The following RSL1D1 variants were observed in gnomAD, a reference collection of about 807,000 sequenced individuals.
The protein encoded by RSL1D1 is ribosomal L1 domain containing 1, also known as ribosomal L1 domain-containing protein 1.
Under a neutral mutation model 44.6 loss-of-function variants are expected in RSL1D1, and 34 were observed. That is an observed-to-expected ratio of 0.76 (90% CI 0.58 to 1.02). The LOEUF (loss-of-function observed/expected upper bound fraction) is 1.02, where lower values mean the gene tolerates loss of function less well. Ranked by LOEUF, RSL1D1 falls within the 50% of genes least tolerant of loss-of-function variation. The pLI is 0.00. For missense variants in RSL1D1, 767 were observed against 568.1 expected (o/e 1.35, Z -3.56); for synonymous variants, 271 against 207.4 (o/e 1.31, Z -2.63).
chr16:11,846,804 A>C lies in RSL1D1; in HGVS notation c.424T>G (p.Tyr142Asp), dbSNP rs755767319. ...CTCAGAAGGCGGAGCTTGGCTTCAT[A>C]GGATTTATATTCCTTCTTTAGAGTT... is the stretch of plus-strand genomic sequence containing the variant. Reference protein sequence around the residue: ...LQTLKKEYKSYEAKLRLLSSF... With the variant: ...LQTLKKEYKSDEAKLRLLSSF... Residue 142 changes from tyrosine to aspartate, a missense_variant, in exon 4 of 9, where the codon TAT (tyrosine) becomes GAT (aspartate). Coordinates refer to ENST00000571133, the MANE Select transcript of RSL1D1 (RefSeq NM_015659.3). The C allele has an allele frequency of 6.2e-7, 1 of 1,612,560 alleles. No homozygotes were observed. Among genetic ancestry groups the C allele is most frequent in the Non-Finnish European group, 8.5e-7 (1 of 1,178,696 alleles).
chr16:11,841,589 A>G, intron 7 of RSL1D1, 106 bp downstream of exon 7: 2 of 1,049,542 alleles, frequency 1.9e-6, no homozygotes, highest in Non-Finnish European at 2.8e-6. Flanking sequence ...CCACAAAACC[A>G]GAAGATAACT....
rs2053708756 is a variant in RSL1D1, at chr16:11,835,277, G to T, written c.*2510C>A. 6.6e-6 allele frequency: 1 copy of T among 152,166 alleles called. No individual in the cohort carries two copies. Among genetic ancestry groups the T allele is most frequent in the African/African-American group, 2.4e-5 (1 of 41,348 alleles). The allele number at this position is 152,166 out of a possible 1,614,324, so 9.4% of individuals were successfully genotyped here. ...GCTCACTGCAACCTCCACCTCCCGGGTTAAAGTGATTCTCCTGCTTCAGCC... is the reference window on the plus strand; with the variant it reads ...GCTCACTGCAACCTCCACCTCCCGGTTTAAAGTGATTCTCCTGCTTCAGCC... On this transcript the variant is annotated 3_prime_UTR_variant, in exon 9 of 9. Transcript: ENST00000571133.
chr16:11,838,856 CA>C (rs760015457), intron 8 of RSL1D1, among the ~76,000 whole-genome samples: 17 of 82,282 alleles, frequency 2.1e-4, no homozygotes, highest in South Asian at 1.1e-3. Context: ...GACCTTGTCT[CA>C]AAAAAAAAAA....
chr16:11,839,381 CAAA>C (rs35893843), intron 8 of RSL1D1, among the ~76,000 whole-genome samples: 61 of 116,592 alleles, frequency 5.2e-4, no homozygotes, highest in Non-Finnish European at 5.8e-4. Flanking sequence ...AAAAGCAAAG[CAAA>C]AAAAAAAAAA....
At chr16:11,846,161 G>A (rs1201810557) in intron 5 of RSL1D1, among the ~76,000 whole-genome samples, 1 of 151,640 alleles carries the variant, frequency 6.6e-6, no homozygotes, top group Non-Finnish European at 1.5e-5. Context: ...GGGAGGCCAA[G>A]GCGGGCGGAT....
intron 7 of RSL1D1, 86 bp downstream of exon 7, chr16:11,841,609 G>T: frequency 8.0e-7 from 1 of 1,246,756 alleles, no homozygotes; most frequent in Non-Finnish European, 1.1e-6. Context: ...TGAAAAGTCG[G>T]GCAGCGATGA....
chr16:11,850,347 A>C lies in RSL1D1; in HGVS notation c.177T>G (p.Asn59Lys). The C allele has an allele frequency of 6.2e-7, 1 of 1,601,758 alleles. No homozygotes were observed. Among genetic ancestry groups the C allele is most frequent in the Non-Finnish European group, 8.5e-7 (1 of 1,177,144 alleles). The change falls in exon 2 of 9, where the codon AAT (asparagine) becomes AAG (lysine). Residue 59 changes from asparagine to lysine, a missense_variant. Transcript: ENST00000571133. ...CCATTAAAAATAAACTTTCATTCTC[A>C]TTCAAAAGCAACCCATAATTGTTTT... The part of the protein sequence containing the change: ...SRKNNYGLLL[N>K]ENESLFLMVV...
In RSL1D1 at chr16:11,839,337, G is replaced by C. The variant is rs1353492160; in HGVS notation, c.1146+358C>G. On this transcript the variant is annotated intron_variant, in intron 8 of 8. Transcript: ENST00000571133. ...GCTGAGATCATGCCACTGCACTCTA[G>C]CCTGGGTGACAGAGTGAGACTCCAT... is the stretch of plus-strand genomic sequence containing the variant. Among the ~76,000 whole-genome samples, 3 of 148,288 alleles carry C rather than the reference G, an allele frequency of 2.0e-5. No homozygotes were observed. The South Asian group carries it at 6.4e-4, about 31-fold the overall frequency.
At position 11,847,769 on chromosome 16, in the gene RSL1D1, T is replaced by C. The variant is rs368603219; in HGVS notation, c.283A>G (p.Ile95Val). The change falls in exon 3 of 9, where the codon ATC becomes GTC. Residue 95 changes from isoleucine (I) to valine (V), a missense_variant. Physicochemically the swap from Ile to Val is conservative, Grantham distance 29 (BLOSUM62 3). Transcript: ENST00000571133. ...PHSIRSDSED[I>V]CLFTKDEPNS... Reference sequence around the variant, plus strand: ...GGTTCATCCTTCGTAAATAAACAGATATCTTCTGAATCTGATCGAATACTA... The same window carrying C: ...GGTTCATCCTTCGTAAATAAACAGACATCTTCTGAATCTGATCGAATACTA... 1.4e-5 allele frequency: 23 copies of C among 1,613,522 alleles called. No individual in the cohort carries two copies. The highest frequency in any genetic ancestry group is 2.7e-5 in the African/African-American group (2 of 74,934).
At position 11,836,492 on chromosome 16, in the gene RSL1D1, G is replaced by A. The variant is rs1474157096; in HGVS notation, c.*1295C>T. 4 of 152,148 alleles carry A rather than the reference G, an allele frequency of 2.6e-5. No individual in the cohort carries two copies. Among genetic ancestry groups the A allele is most frequent in the African/African-American group, 9.7e-5 (4 of 41,448 alleles). 9.4% of individuals were successfully genotyped at this position (152,148 alleles called of 1,614,324 possible). A position where few individuals can be genotyped will look rare whatever the true frequency, so the allele number is the denominator to read the frequency against. ...CAGTGAAAGGCCACGTACCTAAAAA[G>A]GTGTTTACTGCCTCAGAATATACTT... is the stretch of plus-strand genomic sequence containing the variant. On this transcript the variant is annotated 3_prime_UTR_variant, in exon 9 of 9. Transcript: ENST00000571133.
intron 7 of RSL1D1, 78 bp from the exon 8 acceptor site, chr16:11,840,063 A>C (rs2141250874): frequency 6.5e-7 from 1 of 1,544,104 alleles, no homozygotes; most frequent in East Asian, 2.2e-5. Flanking sequence ...TACCACGTGC[A>C]GTTTTGATTA....
At chr16:11,839,566 T>TGATAACCA (rs2053748995) in intron 8 of RSL1D1, 129 bp downstream of exon 8, 2 of 1,239,076 alleles carry the variant, frequency 1.6e-6, no homozygotes, top group Admixed American at 5.6e-5. Context: ...AATCATGATA[T>TGATAACCA]GATAACCACC....
In RSL1D1 at chr16:11,836,859, T is replaced by A. The variant is rs1174637720; in HGVS notation, c.*928A>T. ...CTCTGGGAATGACTACAAATGAATA[T>A]GATGGAGTCCATGTGAATAATGGTT... On this transcript the variant is annotated 3_prime_UTR_variant, in exon 9 of 9. Coordinates refer to ENST00000571133, the MANE Select transcript of RSL1D1 (RefSeq NM_015659.3). 2 of 152,194 alleles carry A rather than the reference T, an allele frequency of 1.3e-5. No individual in the cohort carries two copies. Among genetic ancestry groups the A allele is most frequent in the African/African-American group, 4.8e-5 (2 of 41,446 alleles). 9.4% of individuals were successfully genotyped at this position (152,194 alleles called of 1,614,324 possible). A position where few individuals can be genotyped will look rare whatever the true frequency, so the allele number is the denominator to read the frequency against.
Position 11,837,698 on chromosome 16 carries a change from G to C in RSL1D1, c.*89C>G, listed in dbSNP as rs2053731715. On this transcript the variant is annotated 3_prime_UTR_variant, in exon 9 of 9. Coordinates refer to ENST00000571133, the MANE Select transcript of RSL1D1 (RefSeq NM_015659.3). ...CTTTTAAGTCCAGGCCTGACGTTTA[G>C]AGAAGGTTACAAAGGCGGCCAGGAT... 2.5e-6 allele frequency: 3 copies of C among 1,197,780 alleles called. No individual in the cohort carries two copies. Among genetic ancestry groups the C allele is most frequent in the South Asian group, 1.5e-5 (1 of 67,876 alleles). 74.2% of individuals were successfully genotyped at this position (1,197,780 alleles called of 1,614,324 possible).
chr16:11,843,560 G>A (rs902542019), intron 5 of RSL1D1, among the ~76,000 whole-genome samples: 1 of 151,480 alleles, frequency 6.6e-6, no homozygotes, highest in African/African-American at 2.4e-5. Flanking sequence ...CTACCCAGCC[G>A]CCATGTTCAA....
intron 1 of RSL1D1, 197 bp downstream of exon 1, chr16:11,851,211 C>G: frequency 1.6e-6 from 1 of 637,404 alleles, no homozygotes; most frequent in Non-Finnish European, 2.8e-6. Flanking sequence ...TTCACTAGCG[C>G]CAGGCCGCAG....
intron 5 of RSL1D1, among the ~76,000 whole-genome samples, chr16:11,844,393 T>C (rs575357714): frequency 6.6e-6 from 1 of 152,342 alleles, no homozygotes; most frequent in South Asian, 2.1e-4. Context: ...TACCATCTTC[T>C]TCTCCCAGAT....
intron 2 of RSL1D1, 65 bp from the exon 3 acceptor site, chr16:11,847,871 C>T (rs2053810614): frequency 6.8e-7 from 1 of 1,475,224 alleles, no homozygotes; most frequent in African/African-American, 1.4e-5. Context: ...GTTTGTATCA[C>T]ACAGAATACG....
At chr16:11,838,195 G>GTATT in intron 8 of RSL1D1, 82 bp from the exon 9 acceptor site, 1 of 1,169,574 alleles carries the variant, frequency 8.6e-7, no homozygotes, top group South Asian at 1.6e-5. Context: ...GTTTTTATTT[G>GTATT]TATTTATTTA....
Sources: allele counts gnomAD v4.1 joint callset (sites outside exome capture counted in the v4.1 genomes callset), GRCh38; gene constraint gnomAD v4.1.1; transcripts MANE v1.5; gene names NCBI Gene and HGNC (gene_info 2026-07-23, HGNC 2026-07-21).